The following NUP62 variants were observed in gnomAD, a reference collection of about 807,000 sequenced individuals.
NUP62 encodes the protein nuclear pore glycoprotein p62.
For missense variants in NUP62, 647 were observed against 689.4 expected (o/e 0.94, Z 0.69); for synonymous variants, 305 against 303.4 (o/e 1.01, Z -0.05).
chr19:49,921,631 G>A lies in NUP62; in HGVS notation c.-78+6063C>T, dbSNP rs954030561. 9.2e-5 allele frequency among the ~76,000 whole-genome samples: 14 copies of A among 152,202 alleles called. No individual in the cohort carries two copies. The highest frequency in any genetic ancestry group is 2.0e-4 in the Admixed American group (3 of 15,290). ...GCATCAAACTGGGCTAAGGCCTGGC[G>A]CTCTGATGGCCGCTGACCTCAAAAC... On this transcript the variant is annotated intron_variant, in intron 2 of 2. Transcript: ENST00000352066. This position sits in a 1 kb window ranked among gnomAD's most constrained non-coding sequence, Gnocchi z 5.4.
chr19:49,927,566 G>A (rs1475519969), intron 2 of NUP62, 128 bp downstream of exon 2: 1 of 152,192 alleles, frequency 6.6e-6, no homozygotes. Flanking sequence ...ATAGGCCCAA[G>A]AAAATATAGG....
In NUP62 at chr19:49,909,776, G is replaced by C. The variant is rs781692939; in HGVS notation, c.32C>G (p.Ala11Gly). Residue 11 changes from alanine to glycine, a missense_variant, in exon 3 of 3, where the codon GCC becomes GGC. Ala to Gly is a moderately conservative substitution (Grantham distance 60, BLOSUM62 0). Transcript: ENST00000352066. ...GCCAAACGTGAACCCGCCTGTAGGG[G>C]CCCCAGTGCCTCCAAAATTAAACCC... MSGFNFGGTG[A>G]PTGGFTFGTA... is the part of the protein sequence containing the mutation. 2.5e-6 allele frequency: 4 copies of C among 1,614,128 alleles called. No individual in the cohort carries two copies. The highest frequency in any genetic ancestry group is 3.4e-6 in the Non-Finnish European group (4 of 1,180,018).
chr19:49,920,313 C>T (rs1045276217), intron 2 of NUP62, among the ~76,000 whole-genome samples: 1 of 152,182 alleles, frequency 6.6e-6, no homozygotes, highest in Admixed American at 6.5e-5. Flanking sequence ...AATCTCTCGA[C>T]CTTGAGATCC....
chr19:49,919,812 G>GA (rs1568716989), intron 2 of NUP62, among the ~76,000 whole-genome samples: 2 of 105,870 alleles, frequency 1.9e-5, no homozygotes, highest in African/African-American at 7.4e-5. Context: ...AATATAAAAG[G>GA]ACTGGAAGAG....
At chr19:49,914,076 T>A (rs2075555628) in intron 2 of NUP62, among the ~76,000 whole-genome samples, 1 of 152,132 alleles carries the variant, frequency 6.6e-6, no homozygotes, top group Non-Finnish European at 1.5e-5. Context: ...AGGCCAGGCA[T>A]GATGGCTCAC....
At chr19:49,919,237 C>G (rs916629436) in intron 2 of NUP62, among the ~76,000 whole-genome samples, 1 of 152,162 alleles carries the variant, frequency 6.6e-6, no homozygotes, top group Admixed American at 6.5e-5. Flanking sequence ...AATAGTGTGG[C>G]CTGTCTTCCC....
At chr19:49,913,598 T>A (rs1404611636) in intron 2 of NUP62, among the ~76,000 whole-genome samples, 1 of 152,246 alleles carries the variant, frequency 6.6e-6, no homozygotes, top group Non-Finnish European at 1.5e-5. Context: ...TCCGCGGGAC[T>A]CTCTCTACCT....
chr19:49,915,114 C>A (rs184553231), intron 2 of NUP62, among the ~76,000 whole-genome samples: 10 of 151,854 alleles, frequency 6.6e-5, no homozygotes, highest in Non-Finnish European at 1.5e-4. Context: ...CAGCTTTGGA[C>A]CAAAAGGAAA....
chr19:49,922,133 G>A (rs1049993805), intron 2 of NUP62, among the ~76,000 whole-genome samples: 2 of 152,188 alleles, frequency 1.3e-5, no homozygotes, highest in Non-Finnish European at 2.9e-5. Context: ...TAACCCCGGC[G>A]GCACTAGCTC....
rs150097126 is a variant in NUP62 at position 49,909,145 on chromosome 19, G to A, written c.663C>T (p.Leu221=). The A allele has an allele frequency of 9.3e-5, 150 of 1,613,026 alleles. 1 individual carries two copies. The Middle Eastern group carries it at 9.9e-4, about 11-fold the overall frequency. Residue 221 remains leucine, a synonymous_variant, in exon 3 of 3, where the codon CTC becomes CTT. Coordinates refer to ENST00000352066, the MANE Select transcript of NUP62 (RefSeq NM_016553.5). The part of the protein sequence containing the change: ...TATITSTGPS[L]FASIATAPTS... The stretch of plus-strand genomic sequence containing the variant: ...TTGGAGCAGTTGCTATTGACGCAAA[G>A]AGGCTGGGCCCAGTGCTGGTGATGG...
chr19:49,926,967 C>T (rs2122781893), intron 2 of NUP62, among the ~76,000 whole-genome samples: 1 of 151,916 alleles, frequency 6.6e-6, no homozygotes, highest in South Asian at 2.1e-4. Flanking sequence ...TCAAGTGATC[C>T]TCCTGCCTTA....
rs560858185 is a variant in NUP62 at position 49,920,430 on chromosome 19, G to A, written c.-78+7264C>T. 1.1e-4 allele frequency among the ~76,000 whole-genome samples: 16 copies of A among 152,334 alleles called. 1 individual carries two copies. The South Asian group carries it at 3.1e-3, about 30-fold the overall frequency. On this transcript the variant is annotated intron_variant, in intron 2 of 2. Transcript: ENST00000352066. ...AAAATGTTCTAAAATTGACTGTGGT[G>A]ATGGCTGCACAACTCTGTCAACGTA...
At position 49,909,832 on chromosome 19, in the gene NUP62, C is replaced by T. The variant is rs913252966; in HGVS notation, c.-25G>A. 3 of 1,612,054 alleles carry T rather than the reference C, an allele frequency of 1.9e-6. No individual in the cohort carries two copies. The highest frequency in any genetic ancestry group is 2.2e-5 in the East Asian group (1 of 44,886). On this transcript the variant is annotated 5_prime_UTR_variant, in exon 3 of 3. Transcript: ENST00000352066. ...TGGCTCCGGACTCTGGTGGCGGCAGCTACTCTGGCTCCCAAAGCAAATCCG... is the reference window on the plus strand; with the variant it reads ...TGGCTCCGGACTCTGGTGGCGGCAGTTACTCTGGCTCCCAAAGCAAATCCG...
intron 2 of NUP62, among the ~76,000 whole-genome samples, chr19:49,919,147 C>CG (rs1568716184): frequency 1.3e-5 from 2 of 152,080 alleles, no homozygotes; most frequent in South Asian, 4.1e-4. Context: ...GAGTGAAACT[C>CG]GGTCTCAAAA....
At chr19:49,913,417 G>A (rs1416322357) in intron 2 of NUP62, among the ~76,000 whole-genome samples, 1 of 152,216 alleles carries the variant, frequency 6.6e-6, no homozygotes, top group Non-Finnish European at 1.5e-5. Flanking sequence ...TGTTGACGCT[G>A]TGACCTAGAG....
At chr19:49,925,201 C>T (rs930748094) in intron 2 of NUP62, among the ~76,000 whole-genome samples, 2 of 151,976 alleles carry the variant, frequency 1.3e-5, no homozygotes, top group Non-Finnish European at 2.9e-5. Flanking sequence ...GCAGAGGTTG[C>T]GGTGAGCCGA....
intron 2 of NUP62, among the ~76,000 whole-genome samples, chr19:49,920,724 C>A (rs1600545480): frequency 6.6e-6 from 1 of 152,178 alleles, no homozygotes; most frequent in East Asian, 1.9e-4. Flanking sequence ...TGGGGAAGAG[C>A]CTAGAGCTGA....
chr19:49,920,339 C>G (rs1036304136), intron 2 of NUP62, among the ~76,000 whole-genome samples: 1 of 152,160 alleles, frequency 6.6e-6, no homozygotes, highest in Non-Finnish European at 1.5e-5. Context: ...CCTCGGTCTC[C>G]CAAGGTGCTG....
chr19:49,911,887 T>C (rs2075472677), intron 2 of NUP62, among the ~76,000 whole-genome samples: 1 of 152,332 alleles, frequency 6.6e-6, no homozygotes, highest in South Asian at 2.1e-4. Context: ...TGCTGGGGCC[T>C]GGCCCGGCCT....
Sources: gnomAD v4.1 joint callset for allele counts (sites outside exome capture counted in the v4.1 genomes callset) on GRCh38, gnomAD v4.1.1 for gene constraint, Gnocchi (gnomAD v3.1) non-coding constraint, MANE v1.5 for transcripts, NCBI Gene and HGNC (gene_info 2026-07-23, HGNC 2026-07-21) for gene names.